The following SNTG2 variants were observed in gnomAD, a reference collection of about 807,000 sequenced individuals.
The protein encoded by SNTG2 is gamma-2-syntrophin.
Under a neutral mutation model 70.9 loss-of-function variants are expected in SNTG2, and 74 were observed. The observed-to-expected ratio is 1.04, with a 90% CI of 0.86 to 1.27. The LOEUF is 1.27. SNTG2 is among the 50% of genes most tolerant of loss of function. The probability of loss-of-function intolerance (pLI) is 0.00; values close to 1 mark genes in which losing one functional copy is unlikely to be tolerated. For synonymous variants in SNTG2, 278 were observed against 273.8 expected, an observed-to-expected ratio of 1.02 and a Z score of -0.15; for missense variants, 717 against 690.7, an observed-to-expected ratio of 1.04 and a Z score of -0.43.
chr2:1,203,690 A>ATG (rs1553355281), intron 8 of SNTG2, among the ~76,000 whole-genome samples: 2,741 of 141,140 alleles, frequency 0.019, 27 homozygotes, highest in East Asian at 0.041. Flanking sequence ...ATATATATAT[A>ATG]TGTGTGTGTG....
At chr2:1,247,468 AG>A in intron 12 of SNTG2, 25 bp downstream of exon 12, 1 of 1,505,472 alleles carries the variant, frequency 6.6e-7, no homozygotes, top group South Asian at 1.1e-5. Context: ...GACACTCCAC[AG>A]GGAGGGGCTG....
At position 1,080,612 on chromosome 2, in the gene SNTG2, T is replaced by C. The variant is rs1265085965; in HGVS notation, c.73-2906T>C. Among the ~76,000 whole-genome samples, 3 of 148,878 alleles carry C rather than the reference T, an allele frequency of 2.0e-5. No individual in the cohort carries two copies. The East Asian group carries it at 6.0e-4, about 30-fold the overall frequency. Reference sequence around the variant, plus strand: ...TGGAGGTATGCATGTAGGCCATGTGTGTTGCATGTGTGTGTGTGTCTGTGT... The same window carrying C: ...TGGAGGTATGCATGTAGGCCATGTGCGTTGCATGTGTGTGTGTGTCTGTGT... On this transcript the variant is annotated intron_variant, in intron 1 of 16. Coordinates refer to ENST00000308624, the MANE Select transcript of SNTG2 (RefSeq NM_018968.4).
chr2:1,265,483 C>T (rs1374578433), intron 13 of SNTG2, among the ~76,000 whole-genome samples: 1 of 152,208 alleles, frequency 6.6e-6, no homozygotes, highest in Admixed American at 6.5e-5. Context: ...GGATGATGCA[C>T]AGGGATAAAT....
intron 8 of SNTG2, among the ~76,000 whole-genome samples, chr2:1,199,383 G>A (rs1241177542): frequency 6.6e-6 from 1 of 151,758 alleles, no homozygotes; most frequent in Non-Finnish European, 1.5e-5. Context: ...TTCAGCATAA[G>A]GTCATATATG....
At chr2:1,281,504 TGTG>T (rs1273640401) in intron 14 of SNTG2, among the ~76,000 whole-genome samples, 4 of 149,166 alleles carry the variant, frequency 2.7e-5, no homozygotes, top group Non-Finnish European at 6.0e-5. Context: ...TGTGTGTTTA[TGTG>T]GTGTGTTGTG....
intron 9 of SNTG2, among the ~76,000 whole-genome samples, chr2:1,231,258 T>C (rs1377394323): frequency 2.6e-5 from 4 of 151,962 alleles, no homozygotes. Flanking sequence ...ATAGGGTAAC[T>C]GCGGGGGTGA....
chr2:1,076,044 C>T (rs1211857689), intron 1 of SNTG2, among the ~76,000 whole-genome samples: 14 of 152,136 alleles, frequency 9.2e-5, no homozygotes, highest in Non-Finnish European at 1.6e-4. Flanking sequence ...GTCTGTGGCT[C>T]GCTCCACCTC....
chr2:967,131 G>T (rs958170437), intron 1 of SNTG2, among the ~76,000 whole-genome samples: 1 of 152,198 alleles, frequency 6.6e-6, no homozygotes, highest in Non-Finnish European at 1.5e-5. Context: ...TATGCGCCCT[G>T]TTCAGGCAGA....
chr2:1,155,392 C>T (rs1669823435), intron 6 of SNTG2, among the ~76,000 whole-genome samples: 1 of 152,072 alleles, frequency 6.6e-6, no homozygotes, highest in African/African-American at 2.4e-5. Context: ...TGTACACATA[C>T]ACCACATATA....
intron 1 of SNTG2, among the ~76,000 whole-genome samples, chr2:992,642 A>G (rs564568572): frequency 6.6e-6 from 1 of 152,310 alleles, no homozygotes; most frequent in Admixed American, 6.5e-5. Context: ...TAGGACCAGG[A>G]ATTTGCTCCC....
At chr2:1,158,283 AT>A (rs1229728139) in intron 6 of SNTG2, 1 of 152,182 alleles carries the variant, frequency 6.6e-6, no homozygotes, top group East Asian at 1.9e-4. Flanking sequence ...GCATTTAAAA[AT>A]TTACATAGAA....
chr2:1,153,124 C>CAAAA (rs60254441), intron 6 of SNTG2, among the ~76,000 whole-genome samples: 191 of 134,264 alleles, frequency 1.4e-3, no homozygotes, highest in African/African-American at 3.8e-3. Context: ...AACTCCATCT[C>CAAAA]AAAAAAAAAA....
chr2:1,048,340 C>T (rs140338455), intron 1 of SNTG2, among the ~76,000 whole-genome samples: 83 of 152,208 alleles, frequency 5.5e-4, no homozygotes, highest in Non-Finnish European at 1.0e-3. Context: ...ACTCACACCC[C>T]GACATCTGGT....
intron 6 of SNTG2, among the ~76,000 whole-genome samples, chr2:1,139,826 CAAAAAAAAA>C (rs139384127): frequency 3.0e-5 from 3 of 101,028 alleles, no homozygotes; most frequent in Non-Finnish European, 3.9e-5. Flanking sequence ...GACTCCATCT[CAAAAAAAAA>C]AAAAAAAAAA....
chr2:1,176,916 G>A (rs1671515927), intron 8 of SNTG2, among the ~76,000 whole-genome samples: 1 of 152,210 alleles, frequency 6.6e-6, no homozygotes, highest in Non-Finnish European at 1.5e-5. Context: ...GTGGAAGACG[G>A]TGTGGTGATT....
At chr2:1,139,733 G>A (rs1223254124) in intron 6 of SNTG2, among the ~76,000 whole-genome samples, 1 of 151,604 alleles carries the variant, frequency 6.6e-6, no homozygotes, top group East Asian at 2.0e-4. Context: ...GGAGGCTGAG[G>A]TGGGAGGATC....
chr2:1,111,395 C>T (rs1017482683), intron 4 of SNTG2, among the ~76,000 whole-genome samples: 1 of 152,160 alleles, frequency 6.6e-6, no homozygotes, highest in African/African-American at 2.4e-5. Flanking sequence ...CGGCCGGGCC[C>T]CTCTTACCTT....
intron 1 of SNTG2, among the ~76,000 whole-genome samples, chr2:963,517 C>T (rs569716978): frequency 5.8e-4 from 88 of 152,220 alleles, no homozygotes; most frequent in African/African-American, 1.9e-3. Flanking sequence ...GTTTGGTATA[C>T]GTGTACCCAA....
chr2:1,012,145 C>A (rs576231433), intron 1 of SNTG2, among the ~76,000 whole-genome samples: 1 of 152,176 alleles, frequency 6.6e-6, no homozygotes, highest in African/African-American at 2.4e-5. Context: ...ACAATCAATA[C>A]GAGCAACGAT....
Sources: gnomAD v4.1 joint callset for allele counts (sites outside exome capture counted in the v4.1 genomes callset) on GRCh38, gnomAD v4.1.1 for gene constraint, MANE v1.5 for transcripts, NCBI Gene and HGNC (gene_info 2026-07-23, HGNC 2026-07-21) for gene names.